Variants in ACOXL observed in about 807,000 individuals in gnomAD.
The protein encoded by ACOXL is acyl-coenzyme A oxidase-like protein.
A neutral mutation model predicts 71.9 loss-of-function variants in ACOXL; 70 were observed. That is an observed-to-expected ratio of 0.97 (90% CI 0.80 to 1.19). The LOEUF is 1.19. Ranked by LOEUF, ACOXL falls within the 50% of genes most tolerant of loss-of-function variation. The pLI is 0.00. For missense variants in ACOXL, 703 were observed against 736.3 expected (o/e 0.95, Z 0.52); for synonymous variants, 253 against 281.6 (o/e 0.90, Z 1.02).
Position 111,009,198 on chromosome 2 carries a change from A to G in ACOXL, c.1281+13194A>G, listed in dbSNP as rs117468627. On this transcript the variant is annotated intron_variant, in intron 14 of 17. Coordinates refer to ENST00000439055, the MANE Select transcript of ACOXL (RefSeq NM_001142807.4). ...ATAAACTCATTTCATGAAAGCCTCA[A>G]TATTGTTTTAGGGAGTCAGAAAATG... Among the ~76,000 whole-genome samples the G allele has an allele frequency of 4.3e-3, 651 of 152,240 alleles. 37 individuals are homozygous for G. The East Asian group carries it at 0.1, about 24-fold the overall frequency.
intron 1 of ACOXL, among the ~76,000 whole-genome samples, chr2:110,745,542 C>G (rs1265491647): frequency 6.6e-6 from 1 of 152,164 alleles, no homozygotes; most frequent in Non-Finnish European, 1.5e-5. Flanking sequence ...CTGGACCATT[C>G]TAGTGATTGA....
At chr2:111,078,758 A>G (rs1177718419) in intron 16 of ACOXL, among the ~76,000 whole-genome samples, 1 of 152,194 alleles carries the variant, frequency 6.6e-6, no homozygotes, top group Non-Finnish European at 1.5e-5. Context: ...TCTCCTTCAT[A>G]TGCTGAAAAA....
intron 11 of ACOXL, among the ~76,000 whole-genome samples, chr2:110,921,146 T>G (rs2060052174): frequency 6.6e-6 from 1 of 152,202 alleles, no homozygotes; most frequent in South Asian, 2.1e-4. Context: ...TCAGTGCGAT[T>G]TCTCCCCTGA....
intron 10 of ACOXL, among the ~76,000 whole-genome samples, chr2:110,856,134 T>G (rs1693214671): frequency 6.6e-6 from 1 of 152,188 alleles, no homozygotes; most frequent in Non-Finnish European, 1.5e-5. Flanking sequence ...CGCTGATTGG[T>G]GCATTTTACA....
intron 16 of ACOXL, among the ~76,000 whole-genome samples, chr2:111,058,326 T>C (rs750290740): frequency 5.3e-5 from 8 of 152,186 alleles, no homozygotes; most frequent in East Asian, 1.9e-4. Flanking sequence ...TTCTGAGATA[T>C]GGATCCAGAC....
intron 15 of ACOXL, among the ~76,000 whole-genome samples, chr2:111,032,050 T>C (rs2065296717): frequency 6.6e-6 from 1 of 152,186 alleles, no homozygotes; most frequent in Non-Finnish European, 1.5e-5. Flanking sequence ...TGCCTGACCA[T>C]GATCTCGTTC....
At chr2:110,949,528 C>T (rs904524756) in intron 12 of ACOXL, among the ~76,000 whole-genome samples, 5 of 152,180 alleles carry the variant, frequency 3.3e-5, no homozygotes, top group African/African-American at 1.2e-4. Flanking sequence ...TCTGCTGACC[C>T]TAACCTATTT....
In ACOXL at chr2:111,093,355, T is replaced by A. The variant is rs940149622; in HGVS notation, c.1542+389T>A. ...TCAGTGGTAGCCATGGGGAATTCAA[T>A]ACAATAGCTACGGAGCACCTGAAAA... On this transcript the variant is annotated intron_variant, in intron 17 of 17. Transcript: ENST00000439055. 1.7e-5 allele frequency: 20 copies of A among 1,143,868 alleles called. No individual in the cohort carries two copies. In the African/African-American group the frequency reaches 2.8e-4, roughly 16 times the overall value. The allele number at this position is 1,143,868 out of a possible 1,614,324, so 70.9% of individuals were successfully genotyped here. A position where few individuals can be genotyped will look rare whatever the true frequency, so the allele number is the denominator to read the frequency against.
chr2:110,992,096 A>G (rs990938600), intron 13 of ACOXL, among the ~76,000 whole-genome samples: 1 of 152,188 alleles, frequency 6.6e-6, no homozygotes. Context: ...GCTCTCACCC[A>G]TATGCAAATC....
intron 12 of ACOXL, among the ~76,000 whole-genome samples, chr2:110,960,112 G>T (rs1445325114): frequency 6.6e-6 from 1 of 152,158 alleles, no homozygotes; most frequent in East Asian, 1.9e-4. Flanking sequence ...ACCTGAGATG[G>T]AAATGAAATG....
chr2:110,944,454 C>A (rs1461501687), intron 12 of ACOXL, among the ~76,000 whole-genome samples: 2 of 152,114 alleles, frequency 1.3e-5, no homozygotes, highest in African/African-American at 4.8e-5. Flanking sequence ...TTTCATCACC[C>A]AGCTAATAGC....
At chr2:110,919,645 A>G (rs150037518) in intron 11 of ACOXL, among the ~76,000 whole-genome samples, 1 of 152,190 alleles carries the variant, frequency 6.6e-6, no homozygotes, top group Non-Finnish European at 1.5e-5. Context: ...ATCAGACAAA[A>G]TTGTCTACCA....
At chr2:111,021,823 G>A (rs1189277492) in intron 14 of ACOXL, among the ~76,000 whole-genome samples, 1 of 151,094 alleles carries the variant, frequency 6.6e-6, no homozygotes, top group African/African-American at 2.4e-5. Flanking sequence ...TAGAAATACA[G>A]GAATAAAAAT....
intron 1 of ACOXL, among the ~76,000 whole-genome samples, chr2:110,741,004 C>T (rs914751973): frequency 6.6e-6 from 1 of 152,160 alleles, no homozygotes; most frequent in Non-Finnish European, 1.5e-5. Context: ...AAGGAGGAAA[C>T]AAAGGCTTAA....
intron 13 of ACOXL, among the ~76,000 whole-genome samples, chr2:110,988,873 G>GTGTT (rs1385232451): frequency 1.3e-5 from 2 of 151,612 alleles, no homozygotes; most frequent in Non-Finnish European, 2.9e-5. Context: ...GTGTGTGTGT[G>GTGTT]TGTGTGTGTG....
intron 12 of ACOXL, among the ~76,000 whole-genome samples, chr2:110,935,771 G>C (rs1192596926): frequency 6.6e-6 from 1 of 151,956 alleles, no homozygotes; most frequent in African/African-American, 2.4e-5. Flanking sequence ...GACACTAACA[G>C]GGTGCTCTGC....
At chr2:110,793,343 A>G (rs1218140553) in intron 3 of ACOXL, among the ~76,000 whole-genome samples, 1 of 152,214 alleles carries the variant, frequency 6.6e-6, no homozygotes, top group Non-Finnish European at 1.5e-5. Context: ...GACCTAAGCT[A>G]GATCCTGAGA....
At chr2:111,022,400 C>A (rs1372853063) in intron 14 of ACOXL, among the ~76,000 whole-genome samples, 2 of 146,696 alleles carry the variant, frequency 1.4e-5, no homozygotes, top group East Asian at 3.9e-4. Flanking sequence ...GGAAGACAGA[C>A]AAATATATAA....
chr2:110,743,289 A>C (rs892411712), intron 1 of ACOXL, among the ~76,000 whole-genome samples: 1 of 152,216 alleles, frequency 6.6e-6, no homozygotes, highest in African/African-American at 2.4e-5. Context: ...GTATGCATAT[A>C]TCAGGCAGAT....
Sources: gnomAD v4.1 joint callset for allele counts (sites outside exome capture counted in the v4.1 genomes callset) on GRCh38, gnomAD v4.1.1 for gene constraint, MANE v1.5 for transcripts, NCBI Gene and HGNC (gene_info 2026-07-23, HGNC 2026-07-21) for gene names.